PPP1R3F: variants seen among roughly 807,000 people sequenced by gnomAD.
The protein encoded by PPP1R3F is protein phosphatase 1, regulatory (inhibitor) subunit 3F.
A neutral mutation model predicts 24.2 loss-of-function variants in PPP1R3F; 29 were observed. That is an observed-to-expected ratio of 1.20 (90% CI 0.89 to 1.63). The LOEUF is 1.63. Ranked by LOEUF, PPP1R3F falls within the 40% of genes most tolerant of loss-of-function variation. PPP1R3F has a pLI of 0.00. For synonymous variants in PPP1R3F, 363 were observed against 340.1 expected, an observed-to-expected ratio of 1.07 and a Z score of -0.74; for missense variants, 823 against 729.3, an observed-to-expected ratio of 1.13 and a Z score of -1.48.
chrX:49,292,868 C>T (rs923952206), downstream of PPP1R3F, among the ~76,000 whole-genome samples: 1 of 111,639 alleles, frequency 9.0e-6, no homozygotes, highest in Non-Finnish European at 1.9e-5. Flanking sequence ...AGGGGATGCT[C>T]GTGAATGGAG....
At chrX:49,279,147 C>T (rs935130282) in intron 1 of PPP1R3F, among the ~76,000 whole-genome samples, 1 of 111,195 alleles carries the variant, frequency 9.0e-6, no homozygotes, top group Non-Finnish European at 1.9e-5. Flanking sequence ...ACTAGGACTT[C>T]GGGAGGCTGA....
Position 49,269,831 on chromosome X carries a change from C to T in PPP1R3F, c.-39C>T. 2.3e-6 allele frequency: 2 copies of T among 857,599 alleles called. No homozygotes were observed. Among genetic ancestry groups the T allele is most frequent in the Non-Finnish European group, 1.4e-6 (1 of 698,413 alleles). The allele number at this position is 857,599 out of a possible 1,213,427, so 70.7% of individuals were successfully genotyped here. On this transcript the variant is annotated 5_prime_UTR_variant, in exon 1 of 4. Transcript: ENST00000055335. ...CCCTTCAGGCCCTGCCCCCGCCGGT[C>T]CCGCCGCCGGTGCCGTCGGTGCCGC...
chrX:49,270,646 C>T lies in PPP1R3F; in HGVS notation c.777C>T (p.Leu259=). Residue 259 remains leucine (L), a synonymous_variant, in exon 1 of 4, where the codon CTC becomes CTT. Transcript: ENST00000055335. Reference sequence around the variant, plus strand: ...AGGGCGCGGGCGATGGGGCGCGCCTCGACTTCGTGGTGCGCTATGAGACCC... The same window carrying T: ...AGGGCGCGGGCGATGGGGCGCGCCTTGACTTCGTGGTGCGCTATGAGACCC... ...FAEGAGDGAR[L]DFVVRYETPE... 8.3e-7 allele frequency: 1 copy of T among 1,208,444 alleles called. No homozygotes were observed. The highest frequency in any genetic ancestry group is 1.8e-5 in the South Asian group (1 of 56,711).
chrX:49,281,412 C>T lies in PPP1R3F; in HGVS notation c.1011C>T (p.Ala337=), dbSNP rs782011760. ...TCTCTCCTCTGCCCTGCAGGCCTGC[C>T]GAGGAGGAACTGAAGACGAAGAACA... ...SCMKPVRRRP[A]EEELKTKNMD... is the part of the protein sequence containing the mutation. Residue 337 remains alanine (A), a synonymous_variant, in exon 2 of 4, where the codon GCC becomes GCT. Transcript: ENST00000055335. 14 of 1,204,478 alleles carry T rather than the reference C, an allele frequency of 1.2e-5. No individual in the cohort carries two copies. In the South Asian group the frequency reaches 2.0e-4, roughly 17 times the overall value.
rs1163054074 is a variant in PPP1R3F, at chrX:49,282,038, G to A, written c.1118G>A (p.Arg373His). ...VGPLVAPTPL[R>H]PWPQMTLQVS... is the part of the protein sequence containing the mutation. Reference sequence around the variant, plus strand: ...CCACTGGTAGCCCCCACCCCTCTCCGTCCATGGCCCCAGATGACACTTCAG... The same window carrying A: ...CCACTGGTAGCCCCCACCCCTCTCCATCCATGGCCCCAGATGACACTTCAG... The change falls in exon 3 of 4, where the codon CGT (arginine) becomes CAT (histidine). Residue 373 changes from arginine (R) to histidine (H), a missense_variant. Coordinates refer to ENST00000055335, the MANE Select transcript of PPP1R3F (RefSeq NM_033215.5). The A allele has an allele frequency of 3.3e-6, 4 of 1,206,782 alleles. No homozygotes were observed. Among genetic ancestry groups the A allele is most frequent in the East Asian group, 3.0e-5 (1 of 33,750 alleles).
intron 3 of PPP1R3F, among the ~76,000 whole-genome samples, chrX:49,294,310 C>T (rs2066316886): frequency 9.3e-6 from 1 of 107,894 alleles, no homozygotes; most frequent in African/African-American, 3.4e-5. Context: ...GCCTTGACCT[C>T]CTGGGCTCAA....
In PPP1R3F at chrX:49,287,453, TTTTAA is replaced by T. The variant is rs1212382506; in HGVS notation, c.*373_*377del. ...CCTGTGCAACCTGCTGGAGCTTTAT[TTTTAA>T]TTTAATTTATATAGAGTACCTATTA... On this transcript the variant is annotated 3_prime_UTR_variant, in exon 4 of 4. Transcript: ENST00000055335. 2.7e-5 allele frequency: 5 copies of T among 182,816 alleles called. No individual in the cohort carries two copies. The highest frequency in any genetic ancestry group is 3.8e-3 in the Middle Eastern group (2 of 529). 15.1% of individuals were successfully genotyped at this position (182,816 alleles called of 1,213,427 possible).
rs2066158321 is a variant in PPP1R3F at position 49,269,819 on chromosome X, G to GCCCCCGCCGGTC, written c.-48_-37dup. 2.6e-5 allele frequency: 21 copies of GCCCCCGCCGGTC among 799,816 alleles called. No individual in the cohort carries two copies. The South Asian group carries it at 1.1e-3, about 42-fold the overall frequency. The allele number at this position is 799,816 out of a possible 1,213,427, so 65.9% of individuals were successfully genotyped here. On this transcript the variant is annotated 5_prime_UTR_variant, in exon 1 of 4. Transcript: ENST00000055335. ...TTGGCTGCCCGCCCCTTCAGGCCCT[G>GCCCCCGCCGGTC]CCCCCGCCGGTCCCGCCGCCGGTGC...
At chrX:49,285,381 A>T (rs1200915102) in intron 3 of PPP1R3F, among the ~76,000 whole-genome samples, 3 of 110,945 alleles carry the variant, frequency 2.7e-5, no homozygotes, top group Non-Finnish European at 5.7e-5. Context: ...TTTTTGGTAG[A>T]GACGGGGTTT....
rs1414799545 is a variant in PPP1R3F at position 49,270,954 on chromosome X, C to T, written c.1004+81C>T. 43 of 988,015 alleles carry T rather than the reference C, an allele frequency of 4.4e-5. 1 individual carries two copies. In the Admixed American group the frequency reaches 5.4e-4, roughly 12 times the overall value. The allele number at this position is 988,015 out of a possible 1,213,427, so 81.4% of individuals were successfully genotyped here. ...CAAGCATTCCGGCCCAGGAACCCCT[C>T]AGGCCTGCTCTCCAGGACAGGGAGG... On this transcript the variant is annotated intron_variant, in intron 1 of 3. Coordinates refer to ENST00000055335, the MANE Select transcript of PPP1R3F (RefSeq NM_033215.5).
At chrX:49,291,931 C>T (rs1167099624), downstream of PPP1R3F, among the ~76,000 whole-genome samples, 1 of 111,526 alleles carries the variant, frequency 9.0e-6, no homozygotes, top group African/African-American at 3.3e-5. Context: ...ACCTGAGCTT[C>T]CTGCTAAGTC....
At chrX:49,293,949 G>A (rs1557122584) in intron 3 of PPP1R3F, among the ~76,000 whole-genome samples, 1 of 111,566 alleles carries the variant, frequency 9.0e-6, no homozygotes, top group Non-Finnish European at 1.9e-5. Flanking sequence ...AGCCAAGATC[G>A]GGCCACTGCA....
intron 1 of PPP1R3F, among the ~76,000 whole-genome samples, chrX:49,277,543 T>C (rs1313241003): frequency 8.9e-6 from 1 of 112,551 alleles, no homozygotes; most frequent in Non-Finnish European, 1.9e-5. Flanking sequence ...AGTTTTGTTC[T>C]TAATCTTCTC....
chrX:49,282,126 G>C, intron 3 of PPP1R3F, 63 bp downstream of exon 3: 1 of 928,430 alleles, frequency 1.1e-6, no homozygotes, highest in Non-Finnish European at 1.5e-6. Flanking sequence ...TGTGACTATT[G>C]CTGGGCTGGG....
intron 1 of PPP1R3F, among the ~76,000 whole-genome samples, chrX:49,278,093 G>A (rs2066225363): frequency 8.9e-6 from 1 of 112,274 alleles, no homozygotes; most frequent in South Asian, 3.7e-4. Flanking sequence ...AGGATTGATT[G>A]TGTATTTGTT....
intron 3 of PPP1R3F, chrX:49,301,264 A>G: frequency 2.4e-6 from 1 of 419,787 alleles, no homozygotes; most frequent in African/African-American, 2.6e-5. Context: ...AATAAAACCC[A>G]AACTGTAGTA....
chrX:49,291,288 T>TCTCTCTCTCTCTCTCTC (rs2066307550), downstream of PPP1R3F, among the ~76,000 whole-genome samples: 1 of 50,612 alleles, frequency 2.0e-5, no homozygotes, highest in African/African-American at 6.0e-5. Flanking sequence ...CAGCCTACTT[T>TCTCTCTCTCTCTCTCTC]TCTCTCTCTC....
At chrX:49,291,324 C>CTCTCTCTCTCTCTG (rs1557122358), downstream of PPP1R3F, among the ~76,000 whole-genome samples, 7 of 100,910 alleles carry the variant, frequency 6.9e-5, no homozygotes, top group Non-Finnish European at 1.2e-4. Context: ...CTCTCTCTCT[C>CTCTCTCTCTCTCTG]TCTGTCTCTC....
chrX:49,280,884 C>T (rs1602709544), intron 1 of PPP1R3F: 1 of 112,295 alleles, frequency 8.9e-6, no homozygotes, highest in South Asian at 3.7e-4. Flanking sequence ...CTTTCCATAG[C>T]CAGGAATGTA....
Sources: allele counts gnomAD v4.1 joint callset (sites outside exome capture counted in the v4.1 genomes callset), GRCh38; gene constraint gnomAD v4.1.1; transcripts MANE v1.5; gene names NCBI Gene and HGNC (gene_info 2026-07-23, HGNC 2026-07-21).